SLC9A9: variants seen among roughly 807,000 people sequenced by gnomAD.
SLC9A9 encodes the protein sodium/hydrogen exchanger 9.
SLC9A9 carries 62 observed loss-of-function variants against 77.8 expected under a neutral mutation model. That is an observed-to-expected ratio of 0.80 (90% CI 0.65 to 0.98). SLC9A9 has a LOEUF of 0.98. SLC9A9 is among the 50% of genes least tolerant of loss of function. The probability of loss-of-function intolerance (pLI) is 0.00; values close to 1 mark genes in which losing one functional copy is unlikely to be tolerated. For missense variants in SLC9A9, 775 were observed against 774.9 expected (o/e 1.00, Z 0.00); for synonymous variants, 320 against 283.5 (o/e 1.13, Z -1.29).
At chr3:143,831,841 T>C (rs1364023366) in intron 2 of SLC9A9, among the ~76,000 whole-genome samples, 178 bp downstream of exon 2, 1 of 152,174 alleles carries the variant, frequency 6.6e-6, no homozygotes, top group Non-Finnish European at 1.5e-5. Flanking sequence ...CAACTCAGCT[T>C]GTAATAAGGG....
chr3:143,509,976 T>A (rs1189165090), intron 9 of SLC9A9, among the ~76,000 whole-genome samples: 4 of 152,186 alleles, frequency 2.6e-5, no homozygotes, highest in African/African-American at 7.2e-5. Flanking sequence ...ACCACATGAA[T>A]TTTATGCTTA....
intron 12 of SLC9A9, among the ~76,000 whole-genome samples, chr3:143,417,707 T>C (rs1389398902): frequency 1.3e-5 from 2 of 151,950 alleles, no homozygotes; most frequent in African/African-American, 4.8e-5. Flanking sequence ...TGCCAGCACT[T>C]TGATATTGGT....
At chr3:143,774,163 G>T (rs573908313) in intron 4 of SLC9A9, among the ~76,000 whole-genome samples, 2 of 152,116 alleles carry the variant, frequency 1.3e-5, no homozygotes, top group African/African-American at 2.4e-5. Flanking sequence ...CTACTACGTA[G>T]CATCCATATA....
At chr3:143,689,659 C>T (rs543864045) in intron 5 of SLC9A9, among the ~76,000 whole-genome samples, 1 of 139,292 alleles carries the variant, frequency 7.2e-6, no homozygotes, top group African/African-American at 2.6e-5. Context: ...ATCCTCTCAC[C>T]TTGGCCTCAC....
At chr3:143,541,838 G>A (rs1239319950) in intron 9 of SLC9A9, among the ~76,000 whole-genome samples, 1 of 152,244 alleles carries the variant, frequency 6.6e-6, no homozygotes, top group Non-Finnish European at 1.5e-5. Context: ...GTGGGTGAGA[G>A]AGTAGGACAG....
chr3:143,299,262 A>C (rs2030411972), intron 14 of SLC9A9, among the ~76,000 whole-genome samples: 1 of 152,196 alleles, frequency 6.6e-6, no homozygotes, highest in Non-Finnish European at 1.5e-5. Flanking sequence ...CCAGCATGTA[A>C]ATTTCAGCTT....
intron 11 of SLC9A9, among the ~76,000 whole-genome samples, chr3:143,473,021 A>G (rs1463656477): frequency 6.9e-6 from 1 of 145,826 alleles, no homozygotes; most frequent in African/African-American, 2.5e-5. Context: ...TTTTTTTTTC[A>G]CTAGAAGTGC....
At chr3:143,754,130 C>A (rs559124775) in intron 4 of SLC9A9, among the ~76,000 whole-genome samples, 4 of 152,170 alleles carry the variant, frequency 2.6e-5, no homozygotes, top group Non-Finnish European at 5.9e-5. Context: ...GAAGAGACAA[C>A]CAGCTGGTGT....
intron 13 of SLC9A9, among the ~76,000 whole-genome samples, chr3:143,375,815 T>G (rs796685460): frequency 2.6e-5 from 4 of 152,360 alleles, no homozygotes; most frequent in African/African-American, 9.6e-5. Flanking sequence ...AACAGATAAC[T>G]GATCCTGCCT....
At chr3:143,587,285 T>A (rs2037557867) in intron 6 of SLC9A9, among the ~76,000 whole-genome samples, 1 of 152,204 alleles carries the variant, frequency 6.6e-6, no homozygotes, top group Non-Finnish European at 1.5e-5. Context: ...GTTCCTTACA[T>A]CTCAGTGGAG....
At chr3:143,413,813 C>T (rs889196303) in intron 12 of SLC9A9, among the ~76,000 whole-genome samples, 20 of 151,200 alleles carry the variant, frequency 1.3e-4, no homozygotes, top group Non-Finnish European at 1.2e-4. Context: ...TGTGTACGTG[C>T]GTGCGCATGC....
At chr3:143,742,636 G>A (rs1935101218) in intron 4 of SLC9A9, among the ~76,000 whole-genome samples, 1 of 152,156 alleles carries the variant, frequency 6.6e-6, no homozygotes, top group Non-Finnish European at 1.5e-5. Flanking sequence ...TAAATATAAG[G>A]TGGTGTTCTG....
chr3:143,429,367 G>A (rs1476620155), intron 12 of SLC9A9, among the ~76,000 whole-genome samples: 1 of 152,176 alleles, frequency 6.6e-6, no homozygotes, highest in Non-Finnish European at 1.5e-5. Flanking sequence ...GAGGTATGGA[G>A]TAAGAGTCCA....
intron 14 of SLC9A9, among the ~76,000 whole-genome samples, chr3:143,329,172 T>C (rs1010247659): frequency 2.0e-5 from 3 of 152,224 alleles, no homozygotes; most frequent in African/African-American, 7.2e-5. Flanking sequence ...ATCCTGTATA[T>C]TGCATAAAGG....
intron 14 of SLC9A9, among the ~76,000 whole-genome samples, chr3:143,271,221 C>T (rs1351603995): frequency 6.6e-6 from 1 of 152,144 alleles, no homozygotes; most frequent in African/African-American, 2.4e-5. Flanking sequence ...CTATATAATA[C>T]TATTGGAGTA....
At chr3:143,316,580 CAAT>C (rs2031220002) in intron 14 of SLC9A9, among the ~76,000 whole-genome samples, 2 of 152,126 alleles carry the variant, frequency 1.3e-5, no homozygotes, top group South Asian at 4.1e-4. Flanking sequence ...TTGGCACTGA[CAAT>C]GATGTATCAC....
intron 12 of SLC9A9, among the ~76,000 whole-genome samples, chr3:143,443,472 T>C (rs1273398392): frequency 6.6e-6 from 1 of 152,210 alleles, no homozygotes; most frequent in African/African-American, 2.4e-5. Flanking sequence ...GAGGTGCTTC[T>C]GTGAAGGGTA....
At chr3:143,284,791 C>T (rs1157543903) in intron 14 of SLC9A9, among the ~76,000 whole-genome samples, 1 of 152,110 alleles carries the variant, frequency 6.6e-6, no homozygotes, top group Non-Finnish European at 1.5e-5. Flanking sequence ...GCCTGCAATG[C>T]TGGGAGGGTC....
intron 6 of SLC9A9, among the ~76,000 whole-genome samples, chr3:143,645,185 G>C (rs900292923): frequency 3.9e-5 from 6 of 152,198 alleles, no homozygotes; most frequent in African/African-American, 1.4e-4. Context: ...TCATTCAGTA[G>C]TTATTGGAGA....
Sources: allele counts gnomAD v4.1 joint callset (sites outside exome capture counted in the v4.1 genomes callset), GRCh38; gene constraint gnomAD v4.1.1; transcripts MANE v1.5; gene names NCBI Gene and HGNC (gene_info 2026-07-23, HGNC 2026-07-21).